DGAT2L6: variants seen among roughly 807,000 people sequenced by gnomAD.
DGAT2L6 encodes the protein diacylglycerol O-acyltransferase 2-like protein 6.
In DGAT2L6, 22 loss-of-function variants were observed where a neutral mutation model predicts 25.5. The observed-to-expected ratio is 0.86, with a 90% confidence interval of 0.62 to 1.23. The LOEUF is 1.23. Ranked by LOEUF, DGAT2L6 falls within the 50% of genes most tolerant of loss-of-function variation. The pLI is 0.00. For synonymous variants in DGAT2L6, 100 were observed against 94.7 expected, an observed-to-expected ratio of 1.06 and a Z score of -0.32; for missense variants, 287 against 253.2, an observed-to-expected ratio of 1.13 and a Z score of -0.91.
chrX:70,193,335 G>C lies in DGAT2L6; in HGVS notation c.86-5936G>C, dbSNP rs775469884. Among the ~76,000 whole-genome samples, 9 of 109,315 alleles carry C rather than the reference G, an allele frequency of 8.2e-5. 1 individual carries two copies. The highest frequency in any genetic ancestry group is 1.7e-4 in the Non-Finnish European group (9 of 52,484). 94.9% of individuals were successfully genotyped at this position (109,315 alleles called of 115,157 possible). ...AAGAAAAAAAAAAAAAAGGATTAAT[G>C]TCAATCCTTCTCCAACTCTTCCAGA... On this transcript the variant is annotated intron_variant, in intron 1 of 6. Transcript: ENST00000333026.
At chrX:70,180,189 G>A (rs867036559) in intron 1 of DGAT2L6, among the ~76,000 whole-genome samples, 6 of 111,312 alleles carry the variant, frequency 5.4e-5, no homozygotes, top group Non-Finnish European at 1.1e-4. Flanking sequence ...GGTGGCTCAC[G>A]CCTGTAATCC....
intron 1 of DGAT2L6, among the ~76,000 whole-genome samples, chrX:70,193,211 G>A (rs770642918): frequency 9.2e-6 from 1 of 109,194 alleles, no homozygotes; most frequent in South Asian, 4.1e-4. Context: ...CCAGCTACTC[G>A]GGAGGCTGAG....
chrX:70,184,271 G>A (rs1030153395), intron 1 of DGAT2L6, among the ~76,000 whole-genome samples: 3 of 109,704 alleles, frequency 2.7e-5, no homozygotes, highest in Non-Finnish European at 5.7e-5. Context: ...TTTAACTACC[G>A]AAATTGACTA....
In DGAT2L6 at chrX:70,177,648, C is replaced by T. The variant is rs1231410241; in HGVS notation, c.66C>T (p.Ile22=). The part of the protein sequence containing the change: ...GLQTFFVLQW[I]PVYIFLGAIP... ...AAACCTTCTTTGTTTTGCAATGGAT[C>T]CCAGTCTATATATTTTTAGGTGAGT... The change falls in exon 1 of 7, where the codon ATC becomes ATT. Residue 22 remains isoleucine, a synonymous_variant. Transcript: ENST00000333026. The T allele has an allele frequency of 8.3e-7, 1 of 1,207,201 alleles. No individual in the cohort carries two copies. Among genetic ancestry groups the T allele is most frequent in the Non-Finnish European group, 1.1e-6 (1 of 893,377 alleles).
At chrX:70,201,188 T>C (rs188300810) in intron 4 of DGAT2L6, among the ~76,000 whole-genome samples, 93 of 111,977 alleles carry the variant, frequency 8.3e-4, no homozygotes, top group African/African-American at 2.4e-3. Flanking sequence ...AGAGGATGCT[T>C]CTACTCTGCT....
chrX:70,193,176 G>A (rs1482179058), intron 1 of DGAT2L6, among the ~76,000 whole-genome samples: 1 of 110,246 alleles, frequency 9.1e-6, no homozygotes, highest in Non-Finnish European at 1.9e-5. Context: ...AAATTAGCCA[G>A]GCATGGTGGC....
rs189316229 is a variant in DGAT2L6, at chrX:70,181,981, C to T, written c.85+4314C>T. On this transcript the variant is annotated intron_variant, in intron 1 of 6. Transcript: ENST00000333026. ...GGAAATGCTCCTACAGAAATGTCTG[C>T]CTTCCTCCCTTCCTTCCTCCTCTTC... Among the ~76,000 whole-genome samples, 5 of 111,514 alleles carry T rather than the reference C, an allele frequency of 4.5e-5. No homozygotes were observed. The Admixed American group carries it at 4.8e-4, about 11-fold the overall frequency.
intron 1 of DGAT2L6, among the ~76,000 whole-genome samples, chrX:70,192,283 AATAAAAG>A (rs2085377799): frequency 8.9e-6 from 1 of 111,752 alleles, no homozygotes; most frequent in African/African-American, 3.3e-5. Flanking sequence ...TTTCCAGACA[AATAAAAG>A]ATAAAGGATT....
At position 70,205,187 on chromosome X, in the gene DGAT2L6, A is replaced by G; in HGVS notation, c.*81A>G. The G allele has an allele frequency of 8.8e-6, 9 of 1,022,493 alleles. No homozygotes were observed. Among genetic ancestry groups the G allele is most frequent in the Non-Finnish European group, 1.2e-5 (9 of 781,498 alleles). The allele number at this position is 1,022,493 out of a possible 1,213,427, so 84.3% of individuals were successfully genotyped here. A position where few individuals can be genotyped will look rare whatever the true frequency, so the allele number is the denominator to read the frequency against. ...GCCACAGAAAAAGAAGAATTCCAGG[A>G]GAGGGAAAGATCGTAAGGATGAGAG... On this transcript the variant is annotated 3_prime_UTR_variant, in exon 7 of 7. Transcript: ENST00000333026.
chrX:70,195,574 TAGACAC>T (rs751296870), intron 1 of DGAT2L6, among the ~76,000 whole-genome samples: 3 of 111,006 alleles, frequency 2.7e-5, no homozygotes, highest in African/African-American at 9.8e-5. Flanking sequence ...TGAAATAAGC[TAGACAC>T]AGAAAGAAAA....
chrX:70,192,345 G>A (rs1366716061), intron 1 of DGAT2L6, among the ~76,000 whole-genome samples: 1 of 112,152 alleles, frequency 8.9e-6, no homozygotes, highest in Non-Finnish European at 1.9e-5. Flanking sequence ...AAAGAAAGGT[G>A]TTTAAGTTGA....
chrX:70,179,860 C>T (rs1301768726), intron 1 of DGAT2L6, among the ~76,000 whole-genome samples: 1 of 110,595 alleles, frequency 9.0e-6, no homozygotes, highest in South Asian at 4.0e-4. Context: ...GCATGAGCCA[C>T]CGCGCCGGGC....
Position 70,185,142 on chromosome X carries a change from G to A in DGAT2L6, c.85+7475G>A, listed in dbSNP as rs560562183. 8.3e-4 allele frequency among the ~76,000 whole-genome samples: 92 copies of A among 110,906 alleles called. No individual in the cohort carries two copies. In the South Asian group the frequency reaches 9.0e-3, roughly 11 times the overall value. The stretch of plus-strand genomic sequence containing the variant: ...TTCCCAGCTTCATCTCCTGTACCAC[G>A]GCTTCCTTAGGCTGCCTGTGTTTTT... On this transcript the variant is annotated intron_variant, in intron 1 of 6. Coordinates refer to ENST00000333026, the MANE Select transcript of DGAT2L6 (RefSeq NM_198512.3).
chrX:70,191,378 TA>T (rs1488521463), intron 1 of DGAT2L6, among the ~76,000 whole-genome samples: 1 of 110,026 alleles, frequency 9.1e-6, no homozygotes, highest in Non-Finnish European at 1.9e-5. Context: ...AACTGAAAAC[TA>T]AAAGAAAGAG....
At chrX:70,204,197 T>C in intron 5 of DGAT2L6, 108 bp from the exon 6 acceptor site, 1 of 602,189 alleles carries the variant, frequency 1.7e-6, no homozygotes, top group Non-Finnish European at 2.6e-6. Context: ...GTTTGGGTGC[T>C]TGGGTTCTTG....
intron 1 of DGAT2L6, among the ~76,000 whole-genome samples, chrX:70,184,657 G>A (rs1260776395): frequency 9.1e-6 from 1 of 109,647 alleles, no homozygotes; most frequent in Non-Finnish European, 1.9e-5. Context: ...GTAGAGACGA[G>A]GTCTCACTAT....
intron 5 of DGAT2L6, among the ~76,000 whole-genome samples, chrX:70,203,725 A>G (rs2085418843): frequency 9.0e-6 from 1 of 111,043 alleles, no homozygotes; most frequent in African/African-American, 3.3e-5. Flanking sequence ...CGTTGGGGGA[A>G]ATGAAGTGGT....
intron 1 of DGAT2L6, among the ~76,000 whole-genome samples, chrX:70,179,864 G>A (rs969959942): frequency 1.8e-5 from 2 of 110,515 alleles, no homozygotes; most frequent in East Asian, 5.7e-4. Context: ...GAGCCACCGC[G>A]CCGGGCCGAG....
intron 1 of DGAT2L6, among the ~76,000 whole-genome samples, chrX:70,180,933 T>C (rs768726875): frequency 8.9e-6 from 1 of 112,213 alleles, no homozygotes; most frequent in Non-Finnish European, 1.9e-5. Context: ...ATGCCACATA[T>C]TGTTTTCCAT....
Sources: gnomAD v4.1 joint callset for allele counts (sites outside exome capture counted in the v4.1 genomes callset) on GRCh38, gnomAD v4.1.1 for gene constraint, MANE v1.5 for transcripts, NCBI Gene and HGNC (gene_info 2026-07-23, HGNC 2026-07-21) for gene names.